Variants in UGT1A7 observed in about 807,000 individuals in gnomAD.
The protein encoded by UGT1A7 is UDP glucuronosyltransferase family 1 member A7, also known as UDP-glucuronosyltransferase 1A7.
A neutral mutation model predicts 45.6 loss-of-function variants in UGT1A7; 33 were observed. The ratio of observed to expected loss-of-function variants is 0.72; its 90% CI spans 0.55 to 0.97. UGT1A7 has a LOEUF of 0.97. UGT1A7 is among the 50% of genes least tolerant of loss of function. UGT1A7 has a pLI of 0.00. For synonymous variants in UGT1A7, 274 were observed against 250.6 expected (o/e 1.09, Z -0.88); for missense variants, 684 against 666.2 (o/e 1.03, Z -0.29).
In UGT1A7 at chr2:233,769,727, C is replaced by T. The variant is rs565012601; in HGVS notation, c.1295+1288C>T. The stretch of plus-strand genomic sequence containing the variant: ...AATGTTGGCTAGGCACCATGGCACA[C>T]GCCTGTAGTCCCAGCCACTCTGGAG... On this transcript the variant is annotated intron_variant, in intron 4 of 4. Transcript: ENST00000373426. This position sits in a 1 kb window ranked among gnomAD's most constrained non-coding sequence, Gnocchi z 4.4. 4.8e-4 allele frequency: 703 copies of T among 1,471,542 alleles called. 1 individual carries two copies. Among genetic ancestry groups the T allele is most frequent in the Non-Finnish European group, 5.6e-4 (625 of 1,109,932 alleles). The allele number at this position is 1,471,542 out of a possible 1,614,324, so 91.2% of individuals were successfully genotyped here. A position where few individuals can be genotyped will look rare whatever the true frequency, so the allele number is the denominator to read the frequency against.
intron 1 of UGT1A7, among the ~76,000 whole-genome samples, chr2:233,726,140 C>T (rs529901709): frequency 3.9e-5 from 6 of 152,258 alleles, no homozygotes; most frequent in Non-Finnish European, 7.4e-5. Flanking sequence ...CACTCCAGCC[C>T]GAGTGACAGA....
intron 1 of UGT1A7, among the ~76,000 whole-genome samples, chr2:233,720,702 T>C (rs983825744): frequency 6.7e-6 from 1 of 150,354 alleles, no homozygotes; most frequent in African/African-American, 2.5e-5. Flanking sequence ...AAGGGAGCCA[T>C]CCTTTTTTTT....
chr2:233,722,521 T>G, intron 1 of UGT1A7, among the ~76,000 whole-genome samples: 1 of 152,232 alleles, frequency 6.6e-6, no homozygotes, highest in East Asian at 1.9e-4. Context: ...AGCTTATTTT[T>G]GCCTTAATGA....
intron 1 of UGT1A7, among the ~76,000 whole-genome samples, chr2:233,699,089 G>A (rs2075483565): frequency 6.6e-6 from 1 of 152,136 alleles, no homozygotes; most frequent in African/African-American, 2.4e-5. Flanking sequence ...CTCTAGCCCT[G>A]TGCACCTCAT....
At chr2:233,695,274 T>C (rs1346738966) in intron 1 of UGT1A7, among the ~76,000 whole-genome samples, 1 of 151,970 alleles carries the variant, frequency 6.6e-6, no homozygotes, top group East Asian at 1.9e-4. Context: ...TATAGGCATG[T>C]GCCACCATTC....
At chr2:233,704,101 G>A (rs965515464) in intron 1 of UGT1A7, among the ~76,000 whole-genome samples, 1 of 151,892 alleles carries the variant, frequency 6.6e-6, no homozygotes, top group African/African-American at 2.4e-5. Context: ...ATGTTGGTCA[G>A]TCTGGTCTCA....
intron 1 of UGT1A7, among the ~76,000 whole-genome samples, chr2:233,751,848 C>G (rs1317042286): frequency 6.6e-6 from 1 of 152,136 alleles, no homozygotes. Context: ...GTCATTTAAA[C>G]CTTTGTCTTT....
chr2:233,743,310 G>T, intron 1 of UGT1A7: 2 of 644,780 alleles, frequency 3.1e-6, no homozygotes, highest in Non-Finnish European at 5.0e-6. Context: ...TCTTGGTGGT[G>T]ATTTTTTTAC....
intron 1 of UGT1A7, among the ~76,000 whole-genome samples, chr2:233,724,290 G>A: frequency 7.3e-6 from 1 of 136,758 alleles, no homozygotes. Flanking sequence ...GCGGGGGGCT[G>A]ACCCCCCCAC....
chr2:233,762,218 A>G (rs1011647338), intron 1 of UGT1A7, among the ~76,000 whole-genome samples: 2 of 152,162 alleles, frequency 1.3e-5, no homozygotes, highest in African/African-American at 4.8e-5. Flanking sequence ...GCGCCCCATA[A>G]ATCTCAGCAC....
At chr2:233,722,255 G>A (rs549830880) in intron 1 of UGT1A7, among the ~76,000 whole-genome samples, 90 of 152,216 alleles carry the variant, frequency 5.9e-4, no homozygotes, top group African/African-American at 2.1e-3. Flanking sequence ...TGACAGACAC[G>A]CCATTATCAT....
chr2:233,744,112 C>T (rs1010440918), intron 1 of UGT1A7: 4 of 367,842 alleles, frequency 1.1e-5, no homozygotes, highest in African/African-American at 6.4e-5. Context: ...TGGCCCTGCT[C>T]TCTGTGAGGC....
intron 1 of UGT1A7, among the ~76,000 whole-genome samples, chr2:233,746,455 T>G (rs1294598845): frequency 6.6e-6 from 1 of 151,652 alleles, no homozygotes; most frequent in Non-Finnish European, 1.5e-5. Context: ...GAAAGTACCT[T>G]CAAAAGGGTT....
At chr2:233,729,805 T>C (rs61740163) in intron 1 of UGT1A7, 2 of 1,611,876 alleles carry the variant, frequency 1.2e-6, no homozygotes, top group Non-Finnish European at 1.7e-6. Flanking sequence ...TTGCCATGCT[T>C]TTTCTGCTCC....
In UGT1A7 at chr2:233,695,464, G is replaced by A. The variant is rs575378688; in HGVS notation, c.855+12672G>A. 2.6e-5 allele frequency among the ~76,000 whole-genome samples: 4 copies of A among 151,306 alleles called. No homozygotes were observed. The East Asian group carries it at 7.8e-4, about 29-fold the overall frequency. Reference sequence around the variant, plus strand: ...TTTTTTTGATCAACGTGCTTTATTGGCCCTTTAGATGTTTTTCTCTTTTCT... The same window carrying A: ...TTTTTTTGATCAACGTGCTTTATTGACCCTTTAGATGTTTTTCTCTTTTCT... On this transcript the variant is annotated intron_variant, in intron 1 of 4. Coordinates refer to ENST00000373426, the MANE Select transcript of UGT1A7 (RefSeq NM_019077.3).
intron 1 of UGT1A7, chr2:233,719,272 C>T (rs1269795663): frequency 6.2e-7 from 1 of 1,614,132 alleles, no homozygotes; most frequent in Admixed American, 1.7e-5. Flanking sequence ...GTGGTTTTAA[C>T]AGACCCCGTT....
intron 1 of UGT1A7, among the ~76,000 whole-genome samples, chr2:233,717,462 T>A (rs1357156698): frequency 6.6e-6 from 1 of 152,152 alleles, no homozygotes; most frequent in Non-Finnish European, 1.5e-5. Flanking sequence ...GCCTGTCCCA[T>A]GGGTTGTGTC....
At chr2:233,766,273 TGGCCCGGGCTCG>T (rs1203864514) in intron 1 of UGT1A7, among the ~76,000 whole-genome samples, 2 of 151,808 alleles carry the variant, frequency 1.3e-5, no homozygotes, top group Non-Finnish European at 2.9e-5. Context: ...CCGGGCTCGG[TGGCCCGGGCTCG>T]GTGGCCTGGG....
chr2:233,716,607 TGA>T (rs967387624), intron 1 of UGT1A7, among the ~76,000 whole-genome samples: 38 of 152,324 alleles, frequency 2.5e-4, no homozygotes, highest in South Asian at 6.2e-4. Flanking sequence ...TAGAATTTGA[TGA>T]GGTTTATTCT....
Sources: gnomAD v4.1 joint callset for allele counts (sites outside exome capture counted in the v4.1 genomes callset) on GRCh38, gnomAD v4.1.1 for gene constraint, Gnocchi (gnomAD v3.1) non-coding constraint, MANE v1.5 for transcripts, NCBI Gene and HGNC (gene_info 2026-07-23, HGNC 2026-07-21) for gene names.